Variants in CDS2 observed in about 807,000 individuals in gnomAD.
CDS2 encodes CDP-diacylglycerol synthase 2, also known as phosphatidate cytidylyltransferase 2.
In CDS2, 47 loss-of-function variants were observed where a neutral mutation model predicts 59.0. That is an observed-to-expected ratio of 0.80 (90% CI 0.63 to 1.02). The LOEUF (loss-of-function observed/expected upper bound fraction) is 1.02, where lower values mean the gene tolerates loss of function less well. CDS2 is among the 50% of genes least tolerant of loss of function. CDS2 has a pLI of 0.00. For missense variants in CDS2, 356 were observed against 558.9 expected, an observed-to-expected ratio of 0.64 and a Z score of 3.66; for synonymous variants, 207 against 206.4, an observed-to-expected ratio of 1.00 and a Z score of -0.02.
At chr20:5,150,363 AC>A (rs1240083800) in intron 1 of CDS2, among the ~76,000 whole-genome samples, 2 of 152,156 alleles carry the variant, frequency 1.3e-5, no homozygotes, top group Non-Finnish European at 2.9e-5. Flanking sequence ...TGGAGTTTGA[AC>A]CCAGGTGTGC....
chr20:5,140,626 T>C (rs1163310190), intron 1 of CDS2, among the ~76,000 whole-genome samples: 1 of 152,224 alleles, frequency 6.6e-6, no homozygotes, highest in African/African-American at 2.4e-5. Context: ...CTTTACAAAT[T>C]GTGTCTTAGA....
chr20:5,178,391 CAGG>C (rs1224743972), intron 4 of CDS2, among the ~76,000 whole-genome samples: 6 of 152,080 alleles, frequency 3.9e-5, no homozygotes, highest in Non-Finnish European at 4.4e-5. Context: ...AGGAAAAAGG[CAGG>C]AGAACAGCAG....
intron 1 of CDS2, among the ~76,000 whole-genome samples, chr20:5,171,072 C>T (rs985184733): frequency 6.6e-6 from 1 of 152,212 alleles, no homozygotes; most frequent in African/African-American, 2.4e-5. Context: ...TTCTCTATCT[C>T]CTTTTACTAC....
chr20:5,185,648 G>C, intron 8 of CDS2, 110 bp from the exon 9 acceptor site: 1 of 916,236 alleles, frequency 1.1e-6, no homozygotes, highest in Non-Finnish European at 1.7e-6. Flanking sequence ...AAGGTGACAT[G>C]GTTAAGAGAA....
At chr20:5,139,833 C>CT (rs202107996) in intron 1 of CDS2, among the ~76,000 whole-genome samples, 1,812 of 144,694 alleles carry the variant, frequency 0.013, 47 homozygotes, top group African/African-American at 0.043. Flanking sequence ...GAGTCTCACT[C>CT]TATTGCCCAG....
chr20:5,161,498 A>G (rs1220883293), intron 1 of CDS2, among the ~76,000 whole-genome samples: 1 of 152,242 alleles, frequency 6.6e-6, no homozygotes, highest in Non-Finnish European at 1.5e-5. Flanking sequence ...CAAGGATTCA[A>G]TCAATTGATA....
At chr20:5,155,733 G>C (rs2090828673) in intron 1 of CDS2, among the ~76,000 whole-genome samples, 1 of 152,202 alleles carries the variant, frequency 6.6e-6, no homozygotes, top group South Asian at 2.1e-4. Flanking sequence ...TTCTTGCCAT[G>C]TAAGATAATA....
At chr20:5,188,011 C>CTTTT (rs2091082886) in intron 10 of CDS2, 1 of 151,840 alleles carries the variant, frequency 6.6e-6, no homozygotes, top group Admixed American at 6.6e-5. Context: ...CTTCCTAATA[C>CTTTT]TTAAAAGCCT....
intron 1 of CDS2, among the ~76,000 whole-genome samples, chr20:5,167,540 G>GTGTA (rs1487902727): frequency 6.6e-6 from 1 of 152,060 alleles, no homozygotes; most frequent in African/African-American, 2.4e-5. Flanking sequence ...CCAGATATAT[G>GTGTA]TATATATATG....
intron 1 of CDS2, among the ~76,000 whole-genome samples, chr20:5,166,311 C>T (rs2090913348): frequency 6.6e-6 from 1 of 152,108 alleles, no homozygotes; most frequent in Admixed American, 6.5e-5. Context: ...ACCTTGTTCT[C>T]TTGAAAATTC....
intron 1 of CDS2, among the ~76,000 whole-genome samples, chr20:5,137,872 C>T (rs1487144021): frequency 6.6e-6 from 1 of 151,750 alleles, no homozygotes; most frequent in Non-Finnish European, 1.5e-5. Flanking sequence ...GATCTCGGCT[C>T]ACTCCAAGCT....
intron 7 of CDS2, among the ~76,000 whole-genome samples, chr20:5,183,961 G>C (rs1416900158): frequency 6.6e-6 from 1 of 152,112 alleles, no homozygotes; most frequent in African/African-American, 2.4e-5. Context: ...TTGAAGACCG[G>C]CCTGGGCAAC....
At chr20:5,129,981 T>G (rs1372386971) in intron 1 of CDS2, among the ~76,000 whole-genome samples, 2 of 150,950 alleles carry the variant, frequency 1.3e-5, no homozygotes, top group Non-Finnish European at 3.0e-5. Context: ...TGTTTTTTTG[T>G]TTTTTTTTGA....
chr20:5,140,596 G>A (rs943423556), intron 1 of CDS2, among the ~76,000 whole-genome samples: 2 of 152,188 alleles, frequency 1.3e-5, no homozygotes, highest in African/African-American at 4.8e-5. Flanking sequence ...GGGTTGTTCC[G>A]AGGCATTATC....
chr20:5,168,564 A>C (rs2090931436), intron 1 of CDS2: 1 of 516,538 alleles, frequency 1.9e-6, no homozygotes, highest in Non-Finnish European at 3.9e-6. Context: ...AACACTGACC[A>C]TCACTACTTT....
rs186968781 is a variant in CDS2, at chr20:5,165,735, C to T, written c.58-7788C>T. 1.5e-3 allele frequency among the ~76,000 whole-genome samples: 225 copies of T among 152,022 alleles called. 1 individual carries two copies. Among genetic ancestry groups the T allele is most frequent in the Non-Finnish European group, 2.5e-3 (169 of 67,986 alleles). On this transcript the variant is annotated intron_variant, in intron 1 of 12. Transcript: ENST00000460006. ...AGCACTCCTAAGGAAGGACAGGGGC[C>T]GCTGGGACACACAGGCAGTTGGGGA...
At chr20:5,137,675 G>A (rs191347177) in intron 1 of CDS2, among the ~76,000 whole-genome samples, 16 of 151,942 alleles carry the variant, frequency 1.1e-4, no homozygotes, top group East Asian at 2.0e-4. Flanking sequence ...TTTGCTGGGC[G>A]TGGTGGTGCA....
chr20:5,152,479 C>T lies in CDS2; in HGVS notation c.58-21044C>T, dbSNP rs1260794659. 4.6e-5 allele frequency among the ~76,000 whole-genome samples: 7 copies of T among 152,152 alleles called. No homozygotes were observed. The East Asian group carries it at 9.6e-4, about 21-fold the overall frequency. The stretch of plus-strand genomic sequence containing the variant: ...CAGGCAGGCCAGGTACGGTGGCTCA[C>T]GCCTGTAATTCCAGCACTTTGTGGG... On this transcript the variant is annotated intron_variant, in intron 1 of 12. Coordinates refer to ENST00000460006, the MANE Select transcript of CDS2 (RefSeq NM_003818.4).
intron 1 of CDS2, among the ~76,000 whole-genome samples, chr20:5,164,641 A>C (rs1323739142): frequency 1.3e-5 from 2 of 151,866 alleles, no homozygotes; most frequent in Non-Finnish European, 1.5e-5. Context: ...AAAAAAAAAA[A>C]ATTCCTTCCT....
Sources: gnomAD v4.1 joint callset for allele counts (sites outside exome capture counted in the v4.1 genomes callset) on GRCh38, gnomAD v4.1.1 for gene constraint, MANE v1.5 for transcripts, NCBI Gene and HGNC (gene_info 2026-07-23, HGNC 2026-07-21) for gene names.